Variants in CPN2 observed in about 807,000 individuals in gnomAD.
CPN2 encodes carboxypeptidase N subunit 2.
For missense variants in CPN2, 620 were observed against 671.4 expected, an observed-to-expected ratio of 0.92 and a Z score of 0.85; for synonymous variants, 336 against 318.4, an observed-to-expected ratio of 1.06 and a Z score of -0.59.
rs1164104110 is a variant in CPN2, at chr3:194,341,451, G to A, written c.1252C>T (p.Leu418=). 1 of 1,614,106 alleles carries A rather than the reference G, an allele frequency of 6.2e-7. No homozygotes were observed. Among genetic ancestry groups the A allele is most frequent in the African/African-American group, 1.3e-5 (1 of 74,928 alleles). ...NWLQQYTDRL[L]NIQTYCAGPA... ...CCAGCGCAGTAGGTCTGGATGTTCA[G>A]GAGCCGATCGGTGTACTGCTGCAGC... is the stretch of plus-strand genomic sequence containing the variant. Residue 418 remains leucine (L), a synonymous_variant, in exon 2 of 2, where the codon CTG becomes TTG. Coordinates refer to ENST00000323830, the MANE Select transcript of CPN2 (RefSeq NM_001080513.4).
Position 194,342,227 on chromosome 3 carries a change from G to T in CPN2, c.476C>A (p.Ala159Asp), listed in dbSNP as rs1447968149. Reference sequence around the variant, plus strand: ...AGGCTGGAAGAGCCTCCTGGGCAGGGCCTGGAGCTGGTTCCCCTGCAGGTG... The same window carrying T: ...AGGCTGGAAGAGCCTCCTGGGCAGGTCCTGGAGCTGGTTCCCCTGCAGGTG... ...SLHLQGNQLQ[A>D]LPRRLFQPLT... Residue 159 changes from alanine (A) to aspartate (D), a missense_variant, in exon 2 of 2, where the codon GCC (alanine) becomes GAC (aspartate). By Grantham distance (126) the Ala-to-Asp change is moderately radical. Coordinates refer to ENST00000323830, the MANE Select transcript of CPN2 (RefSeq NM_001080513.4). 1 of 1,613,960 alleles carries T rather than the reference G, an allele frequency of 6.2e-7. No individual in the cohort carries two copies. Among genetic ancestry groups the T allele is most frequent in the Non-Finnish European group, 8.5e-7 (1 of 1,179,922 alleles).
rs1712832649 is a variant in CPN2, at chr3:194,341,703, T to C, written c.1000A>G (p.Arg334Gly). The C allele has an allele frequency of 6.2e-7, 1 of 1,613,964 alleles. No homozygotes were observed. Among genetic ancestry groups the C allele is most frequent in the African/African-American group, 1.3e-5 (1 of 74,898 alleles). Residue 334 changes from arginine (R) to glycine (G), a missense_variant, in exon 2 of 2, where the codon AGA becomes GGA. Coordinates refer to ENST00000323830, the MANE Select transcript of CPN2 (RefSeq NM_001080513.4). ...AITHLPAGIFRDLEELVKLYL... is the reference protein window; with the variant it reads ...AITHLPAGIFGDLEELVKLYL... The stretch of plus-strand genomic sequence containing the variant: ...AGTTTGACCAACTCCTCCAGGTCTC[T>C]GAAGATGCCAGCTGGGAGGTGGGTA...
At chr3:194,346,547 G>T (rs918235593) in intron 1 of CPN2, among the ~76,000 whole-genome samples, 2 of 152,190 alleles carry the variant, frequency 1.3e-5, no homozygotes, top group Non-Finnish European at 2.9e-5. Context: ...GAGTGGCTAC[G>T]AGTCAGACAG....
At chr3:194,349,802 T>TTG (rs1713199243) in intron 1 of CPN2, among the ~76,000 whole-genome samples, 1 of 91,530 alleles carries the variant, frequency 1.1e-5, no homozygotes, top group South Asian at 3.4e-4. Context: ...TTTTTTTTTT[T>TTG]TTTTTTTTTT....
chr3:194,342,001 A>T lies in CPN2; in HGVS notation c.702T>A (p.Pro234=). Residue 234 remains proline (P), a synonymous_variant, in exon 2 of 2, where the codon CCT becomes CCA. Coordinates refer to ENST00000323830, the MANE Select transcript of CPN2 (RefSeq NM_001080513.4). ...LDSNNISELP[P]QVFSQLFCLE... ...GGCAGAAGAGCTGGGAGAACACCTG[A>T]GGGGGCAGCTCCGAGATGTTGTTGC... The T allele has an allele frequency of 6.2e-7, 1 of 1,614,098 alleles. No homozygotes were observed.
chr3:194,341,850 A>G lies in CPN2; in HGVS notation c.853T>C (p.Phe285Leu), dbSNP rs1560282821. Reference protein sequence around the residue: ...NMLRVLPAGLFAHTPCLVGLS... With the variant: ...NMLRVLPAGLLAHTPCLVGLS... ...CCAACCAGGCACGGGGTGTGGGCAA[A>G]GAGGCCGGCAGGCAGGACCCGAAGC... The change falls in exon 2 of 2, where the codon TTT (phenylalanine) becomes CTT (leucine). Residue 285 changes from phenylalanine to leucine, a missense_variant. Phe to Leu is a conservative substitution (Grantham distance 22). Transcript: ENST00000323830. 1 of 1,614,046 alleles carries G rather than the reference A, an allele frequency of 6.2e-7. No homozygotes were observed. The highest frequency in any genetic ancestry group is 2.2e-5 in the East Asian group (1 of 44,880).
At chr3:194,342,976 T>C (rs1712918125) in intron 1 of CPN2, among the ~76,000 whole-genome samples, 1 of 152,200 alleles carries the variant, frequency 6.6e-6, no homozygotes, top group Admixed American at 6.5e-5. Flanking sequence ...ATATAGGATA[T>C]GGACAGATGA....
chr3:194,347,660 C>A (rs113229218), intron 1 of CPN2, among the ~76,000 whole-genome samples: 81,585 of 129,884 alleles, frequency 0.63, 27,202 homozygotes, highest in East Asian at 0.79. Flanking sequence ...GTTCAGCCCA[C>A]CCCATCCGCT....
intron 1 of CPN2, among the ~76,000 whole-genome samples, chr3:194,350,657 G>A (rs1713233386): frequency 6.6e-6 from 1 of 152,068 alleles, no homozygotes; most frequent in Non-Finnish European, 1.5e-5. Flanking sequence ...TTTATTATAT[G>A]AGCCAGCACG....
rs1560282784 is a variant in CPN2, at chr3:194,341,824, G to A, written c.879C>T (p.Gly293=). The A allele has an allele frequency of 6.2e-7, 1 of 1,613,928 alleles. No individual in the cohort carries two copies. The highest frequency in any genetic ancestry group is 2.2e-5 in the East Asian group (1 of 44,870). Residue 293 remains glycine, a synonymous_variant, in exon 2 of 2, where the codon GGC becomes GGT. Transcript: ENST00000323830. ...GLFAHTPCLV[G]LSLTHNQLET... ...CCAGCTGGTTATGGGTCAGAGACAG[G>A]CCAACCAGGCACGGGGTGTGGGCAA...
At chr3:194,348,912 A>C (rs540528104) in intron 1 of CPN2, among the ~76,000 whole-genome samples, 1 of 152,252 alleles carries the variant, frequency 6.6e-6, no homozygotes, top group African/African-American at 2.4e-5. Context: ...TAAAAGATAA[A>C]ATTTTAAACA....
chr3:194,350,260 G>T (rs1365555605), intron 1 of CPN2, among the ~76,000 whole-genome samples: 1 of 152,024 alleles, frequency 6.6e-6, no homozygotes, highest in African/African-American at 2.4e-5. Flanking sequence ...CTGGCTCGGG[G>T]CCAGGCACTG....
At chr3:194,346,518 C>T (rs1430667074) in intron 1 of CPN2, among the ~76,000 whole-genome samples, 7 of 152,214 alleles carry the variant, frequency 4.6e-5, no homozygotes, top group Non-Finnish European at 8.8e-5. Context: ...AGCCCGAGCC[C>T]CATCCTCACC....
intron 1 of CPN2, among the ~76,000 whole-genome samples, chr3:194,345,620 G>A (rs1356059049): frequency 6.6e-6 from 1 of 152,236 alleles, no homozygotes; most frequent in Non-Finnish European, 1.5e-5. Context: ...ACCAGACAAC[G>A]CTGGGGCCTG....
At position 194,340,759 on chromosome 3, in the gene CPN2, T is replaced by A. The variant is rs574655979; in HGVS notation, c.*306A>T. On this transcript the variant is annotated 3_prime_UTR_variant, in exon 2 of 2. Transcript: ENST00000323830. ...TAGGTGAGAGCGGTTGGGTGTTACATAATGGGGAGGCATCAGGGCTGAGGA... is the reference window on the plus strand; with the variant it reads ...TAGGTGAGAGCGGTTGGGTGTTACAAAATGGGGAGGCATCAGGGCTGAGGA... 154 of 343,816 alleles carry A rather than the reference T, an allele frequency of 4.5e-4. No homozygotes were observed. Among genetic ancestry groups the A allele is most frequent in the Non-Finnish European group, 7.4e-4 (140 of 188,404 alleles). 21.3% of individuals were successfully genotyped at this position (343,816 alleles called of 1,614,324 possible). A position where few individuals can be genotyped will look rare whatever the true frequency, so the allele number is the denominator to read the frequency against.
chr3:194,342,770 AC>A, intron 1 of CPN2, 65 bp from the exon 2 acceptor site: 1 of 736,228 alleles, frequency 1.4e-6, no homozygotes, highest in Non-Finnish European at 2.3e-6. Context: ...TGGCACAGTG[AC>A]CAGGGCACAG....
Position 194,342,274 on chromosome 3 carries a change from G to A in CPN2, c.429C>T (p.His143=), listed in dbSNP as rs2108646903. ...GGTGGAGGGACTCCAGGGCAGCCAG[G>A]TGCTGGAAAAGACCCTCGGGCAGAG... ...LEALPEGLFQ[H]LAALESLHLQ... is the part of the protein sequence containing the mutation. Residue 143 remains histidine (H), a synonymous_variant, in exon 2 of 2, where the codon CAC becomes CAT. Coordinates refer to ENST00000323830, the MANE Select transcript of CPN2 (RefSeq NM_001080513.4). 1.2e-6 allele frequency: 2 copies of A among 1,613,928 alleles called. No individual in the cohort carries two copies. Among genetic ancestry groups the A allele is most frequent in the East Asian group, 2.2e-5 (1 of 44,882 alleles).
chr3:194,341,489 TAGG>T lies in CPN2; in HGVS notation c.1211_1213del (p.Ala404_Tyr405delinsAsp). On this transcript the variant is annotated inframe_deletion, in exon 2 of 2. Coordinates refer to ENST00000323830, the MANE Select transcript of CPN2 (RefSeq NM_001080513.4). ...GTACTGCTGCAGCCAGTTGAAGAGG[TAGG>T]CCAGGTGGCAGTCGCACTGCCAGGG... 1 of 1,614,074 alleles carries T rather than the reference TAGG, an allele frequency of 6.2e-7. No homozygotes were observed. The highest frequency in any genetic ancestry group is 8.5e-7 in the Non-Finnish European group (1 of 1,180,000).
At chr3:194,346,179 G>C (rs566749998) in intron 1 of CPN2, among the ~76,000 whole-genome samples, 1 of 152,250 alleles carries the variant, frequency 6.6e-6, no homozygotes, top group Non-Finnish European at 1.5e-5. Context: ...ACTGGCCCAA[G>C]GGAACACAAC....
Sources: gnomAD v4.1 joint callset for allele counts (sites outside exome capture counted in the v4.1 genomes callset) on GRCh38, gnomAD v4.1.1 for gene constraint, MANE v1.5 for transcripts, NCBI Gene and HGNC (gene_info 2026-07-23, HGNC 2026-07-21) for gene names.